The following DOCK4 variants were observed in gnomAD, a reference collection of about 807,000 sequenced individuals.
DOCK4 encodes dedicator of cytokinesis protein 4.
In DOCK4, 97 loss-of-function variants were observed where a neutral mutation model predicts 268.1. That is an observed-to-expected ratio of 0.36 (90% CI 0.31 to 0.43). The LOEUF (loss-of-function observed/expected upper bound fraction) is 0.43, where lower values mean the gene tolerates loss of function less well. Among genes scored for constraint, DOCK4 ranks in the 20% least tolerant of loss-of-function variants. DOCK4 has a pLI of 1.00. For missense variants in DOCK4, 2,145 were observed against 2,455.7 expected, an observed-to-expected ratio of 0.87 and a Z score of 2.67; for synonymous variants, 954 against 887.2, an observed-to-expected ratio of 1.08 and a Z score of -1.34.
chr7:112,101,967 G>A (rs1366191727), intron 1 of DOCK4, among the ~76,000 whole-genome samples: 3 of 151,716 alleles, frequency 2.0e-5, no homozygotes, highest in East Asian at 1.9e-4. Flanking sequence ...CTCAGCCTCC[G>A]GAGTAGCTGG....
chr7:111,863,628 G>A (rs537036049), intron 22 of DOCK4, 64 bp from the exon 23 acceptor site: 15 of 1,464,454 alleles, frequency 1.0e-5, no homozygotes, highest in Middle Eastern at 1.8e-4. Flanking sequence ...GCTGCAAAAC[G>A]TCAGTGAGTT....
chr7:112,193,460 G>A (rs1350756998), intron 1 of DOCK4, among the ~76,000 whole-genome samples: 3 of 152,034 alleles, frequency 2.0e-5, no homozygotes, highest in Admixed American at 1.3e-4. Context: ...ATAGCCAGGT[G>A]TGGTGGTGCA....
intron 8 of DOCK4, chr7:111,971,475 G>T: frequency 4.6e-6 from 1 of 217,320 alleles, no homozygotes. Flanking sequence ...TGATAATGCA[G>T]TGAGGGATCC....
At chr7:111,958,720 A>G (rs922204712) in intron 8 of DOCK4, among the ~76,000 whole-genome samples, 10 of 152,190 alleles carry the variant, frequency 6.6e-5, no homozygotes, top group African/African-American at 2.4e-4. Context: ...TATTATTATA[A>G]TAACACATTA....
intron 2 of DOCK4, 87 bp from the exon 3 acceptor site, chr7:112,000,621 G>T: frequency 9.9e-7 from 1 of 1,005,226 alleles, no homozygotes; most frequent in Non-Finnish European, 1.4e-6. Flanking sequence ...TTTGCCGATG[G>T]AATTTTACCA....
At chr7:111,930,025 G>A (rs1794068182) in intron 12 of DOCK4, among the ~76,000 whole-genome samples, 1 of 152,112 alleles carries the variant, frequency 6.6e-6, no homozygotes, top group East Asian at 1.9e-4. Flanking sequence ...TAATTCAACT[G>A]CTGTCTATCA....
At chr7:112,035,679 T>C (rs948513002) in intron 1 of DOCK4, among the ~76,000 whole-genome samples, 1 of 152,038 alleles carries the variant, frequency 6.6e-6, no homozygotes, top group Non-Finnish European at 1.5e-5. Flanking sequence ...GAGAATGTAA[T>C]ACATGAAGAA....
Position 111,998,984 on chromosome 7 carries a change from G to A in DOCK4, c.163-481C>T, listed in dbSNP as rs553498000. On this transcript the variant is annotated intron_variant, in intron 3 of 52. Transcript: ENST00000428084. ...AGATAATATGTGTATTCTGTGTTAT[G>A]GAAGATTTTTGATGACAACTCAGCA... Among the ~76,000 whole-genome samples the A allele has an allele frequency of 3.3e-5, 5 of 152,142 alleles. No homozygotes were observed. In the East Asian group the frequency reaches 7.7e-4, roughly 23 times the overall value.
At chr7:112,168,167 C>A (rs1347687559) in intron 1 of DOCK4, among the ~76,000 whole-genome samples, 1 of 152,120 alleles carries the variant, frequency 6.6e-6, no homozygotes, top group Non-Finnish European at 1.5e-5. Flanking sequence ...TTTAAACTAC[C>A]TTTACATCAT....
chr7:112,155,487 A>T (rs1222774443), intron 1 of DOCK4, among the ~76,000 whole-genome samples: 1 of 152,238 alleles, frequency 6.6e-6, no homozygotes, highest in Non-Finnish European at 1.5e-5. Context: ...TACATAGTTC[A>T]TAGCATTCAT....
intron 8 of DOCK4, among the ~76,000 whole-genome samples, chr7:111,950,930 A>G (rs1404892642): frequency 2.0e-5 from 3 of 152,234 alleles, no homozygotes; most frequent in South Asian, 2.1e-4. Context: ...GAACATTTCT[A>G]GAAACACTGA....
intron 12 of DOCK4, among the ~76,000 whole-genome samples, chr7:111,925,836 C>T (rs1325944366): frequency 2.6e-5 from 4 of 151,994 alleles, no homozygotes; most frequent in African/African-American, 9.7e-5. Context: ...GCCTGTAATC[C>T]CAGGACTTTG....
chr7:111,769,488 A>G, intron 37 of DOCK4, 41 bp downstream of exon 37: 2 of 1,609,644 alleles, frequency 1.2e-6, no homozygotes, highest in South Asian at 2.2e-5. Context: ...CATCAACACC[A>G]TCACCCCAGG....
At chr7:111,904,796 G>A (rs1476462600) in intron 13 of DOCK4, among the ~76,000 whole-genome samples, 1 of 152,110 alleles carries the variant, frequency 6.6e-6, no homozygotes, top group African/African-American at 2.4e-5. Flanking sequence ...ATAGGGTAAA[G>A]GTGGGTAAAT....
intron 1 of DOCK4, among the ~76,000 whole-genome samples, chr7:112,195,407 C>T (rs1820330813): frequency 6.6e-6 from 1 of 152,214 alleles, no homozygotes; most frequent in Non-Finnish European, 1.5e-5. Context: ...GAGGTTTCTT[C>T]TCTCTTCATT....
intron 1 of DOCK4, among the ~76,000 whole-genome samples, chr7:112,063,255 G>A (rs1273130760): frequency 6.6e-6 from 1 of 152,160 alleles, no homozygotes; most frequent in East Asian, 1.9e-4. Flanking sequence ...ATGCCATGTC[G>A]GTACTTGCTA....
intron 1 of DOCK4, among the ~76,000 whole-genome samples, chr7:112,018,103 G>A (rs371436729): frequency 6.8e-4 from 85 of 124,564 alleles, no homozygotes; most frequent in Admixed American, 3.7e-3. Context: ...GCAGGAGAAT[G>A]GTGTGAACCC....
chr7:111,767,996 A>G (rs1317069569), intron 37 of DOCK4, among the ~76,000 whole-genome samples: 2 of 152,154 alleles, frequency 1.3e-5, no homozygotes, highest in East Asian at 1.9e-4. Context: ...GCTGTACTCA[A>G]TTCTGCTGTT....
chr7:112,127,532 C>T (rs1586878137), intron 1 of DOCK4, among the ~76,000 whole-genome samples: 1 of 150,026 alleles, frequency 6.7e-6, no homozygotes, highest in South Asian at 2.2e-4. Flanking sequence ...GCACATTGTG[C>T]ACATGTACCC....
Sources: allele counts gnomAD v4.1 joint callset (sites outside exome capture counted in the v4.1 genomes callset), GRCh38; gene constraint gnomAD v4.1.1; transcripts MANE v1.5; gene names NCBI Gene and HGNC (gene_info 2026-07-23, HGNC 2026-07-21).